OXCT1: variants seen among roughly 807,000 people sequenced by gnomAD.
OXCT1 encodes succinyl-CoA:3-ketoacid coenzyme A transferase 1, mitochondrial.
Under a neutral mutation model 69.6 loss-of-function variants are expected in OXCT1, and 27 were observed. That is an observed-to-expected ratio of 0.39 (90% CI 0.29 to 0.54). The LOEUF (loss-of-function observed/expected upper bound fraction) is 0.54, where lower values mean the gene tolerates loss of function less well. Ranked by LOEUF, OXCT1 falls within the 20% of genes least tolerant of loss-of-function variation. The probability of loss-of-function intolerance (pLI) is 0.72; values close to 1 mark genes in which losing one functional copy is unlikely to be tolerated. For synonymous variants in OXCT1, 202 were observed against 217.8 expected, an observed-to-expected ratio of 0.93 and a Z score of 0.64; for missense variants, 437 against 650.2, an observed-to-expected ratio of 0.67 and a Z score of 3.57.
rs1353826484 is a variant in OXCT1, at chr5:41,848,135, AACAG to A, written c.564+1891_564+1894del. Among the ~76,000 whole-genome samples the A allele has an allele frequency of 6.7e-5, 10 of 149,512 alleles. No homozygotes were observed. The South Asian group carries it at 2.1e-3, about 32-fold the overall frequency. ...ATCACAAGCATTCTTATACACCAAT[AACAG>A]ACAAACAGAGAGCCAAATCATGAGT... On this transcript the variant is annotated intron_variant, in intron 5 of 16. Transcript: ENST00000196371.
chr5:41,821,995 C>T (rs1231749534), intron 7 of OXCT1, among the ~76,000 whole-genome samples: 1 of 152,152 alleles, frequency 6.6e-6, no homozygotes, highest in Non-Finnish European at 1.5e-5. Flanking sequence ...TCTAAAAAAG[C>T]ATGGCCACTT....
At chr5:41,777,272 C>T (rs1357905102) in intron 13 of OXCT1, among the ~76,000 whole-genome samples, 4 of 152,062 alleles carry the variant, frequency 2.6e-5, no homozygotes, top group African/African-American at 4.8e-5. Flanking sequence ...AATTATTAGC[C>T]GGGCATGGTG....
intron 5 of OXCT1, among the ~76,000 whole-genome samples, chr5:41,846,956 C>T (rs931738501): frequency 1.3e-4 from 20 of 151,948 alleles, no homozygotes; most frequent in African/African-American, 4.1e-4. Flanking sequence ...TCATGTCCTT[C>T]GCCCACTTTT....
chr5:41,758,016 C>T (rs1744168012), intron 14 of OXCT1, among the ~76,000 whole-genome samples: 1 of 152,054 alleles, frequency 6.6e-6, no homozygotes, highest in Non-Finnish European at 1.5e-5. Flanking sequence ...GACGTAGGGG[C>T]AGTCAGCAGT....
chr5:41,739,052 G>C (rs559200744), intron 16 of OXCT1, among the ~76,000 whole-genome samples: 7 of 152,330 alleles, frequency 4.6e-5, no homozygotes, highest in African/African-American at 1.4e-4. Flanking sequence ...AGTTAATCAA[G>C]TTCAAGCACA....
chr5:41,807,278 A>C (rs531859638), intron 8 of OXCT1, 53 bp downstream of exon 8: 9 of 968,782 alleles, frequency 9.3e-6, no homozygotes, highest in Non-Finnish European at 1.7e-6. Flanking sequence ...CCAGGGATGC[A>C]CTATCTCTGT....
intron 16 of OXCT1, among the ~76,000 whole-genome samples, chr5:41,735,031 T>C (rs1029213800): frequency 1.6e-4 from 24 of 152,192 alleles, no homozygotes; most frequent in Admixed American, 7.9e-4. Context: ...TGAAACAGTA[T>C]GGCAGTTCCA....
At chr5:41,813,014 A>G (rs747214745) in intron 7 of OXCT1, among the ~76,000 whole-genome samples, 16 of 152,070 alleles carry the variant, frequency 1.1e-4, no homozygotes, top group Non-Finnish European at 2.2e-4. Context: ...AAAGAGAGAA[A>G]AGAATTGGAC....
chr5:41,765,602 A>G (rs1009799748), intron 13 of OXCT1, among the ~76,000 whole-genome samples: 2 of 152,154 alleles, frequency 1.3e-5, no homozygotes. Context: ...TAGCTGCACA[A>G]CAGAAGGGGA....
chr5:41,861,525 A>G, intron 2 of OXCT1, 121 bp from the exon 3 acceptor site: 2 of 742,840 alleles, frequency 2.7e-6, no homozygotes, highest in Non-Finnish European at 4.9e-6. Context: ...TCTACTAAGC[A>G]AAATACACAG....
intron 14 of OXCT1, among the ~76,000 whole-genome samples, chr5:41,752,577 A>G (rs1478756683): frequency 6.6e-6 from 1 of 151,964 alleles, no homozygotes; most frequent in Non-Finnish European, 1.5e-5. Context: ...ACATAGCAAG[A>G]CCCTATTTCT....
At chr5:41,826,288 A>G (rs1031288273) in intron 7 of OXCT1, among the ~76,000 whole-genome samples, 4 of 152,178 alleles carry the variant, frequency 2.6e-5, no homozygotes, top group African/African-American at 9.6e-5. Context: ...CGGAGGCATT[A>G]TGGAATTTTT....
intron 13 of OXCT1, among the ~76,000 whole-genome samples, chr5:41,779,652 A>C (rs529107362): frequency 6.6e-6 from 1 of 152,312 alleles, no homozygotes; most frequent in East Asian, 1.9e-4. Flanking sequence ...AAAAGATCCG[A>C]ATACAATAAC....
chr5:41,848,478 C>G, intron 5 of OXCT1, among the ~76,000 whole-genome samples: 1 of 145,528 alleles, frequency 6.9e-6, no homozygotes, highest in South Asian at 2.2e-4. Context: ...ATCGCCAAGT[C>G]AATCCTAAGC....
intron 13 of OXCT1, among the ~76,000 whole-genome samples, chr5:41,781,740 A>G (rs1032908769): frequency 2.0e-5 from 3 of 152,192 alleles, no homozygotes; most frequent in African/African-American, 4.8e-5. Context: ...TTTGCTGAGG[A>G]TAATGGCTTC....
chr5:41,835,203 C>G (rs1265802298), intron 7 of OXCT1, among the ~76,000 whole-genome samples: 1 of 152,034 alleles, frequency 6.6e-6, no homozygotes, highest in Non-Finnish European at 1.5e-5. Flanking sequence ...CAACTATATG[C>G]CAATAAATTG....
Position 41,806,341 on chromosome 5 carries a change from A to C in OXCT1, c.841-660T>G, listed in dbSNP as rs543360034. On this transcript the variant is annotated intron_variant, in intron 8 of 16. Coordinates refer to ENST00000196371, the MANE Select transcript of OXCT1 (RefSeq NM_000436.4). ...ATCTCTAGCACCCTACTGTATGTCT[A>C]TTCTGTTGCTGATCCCTAGACACTT... 1.4e-3 allele frequency among the ~76,000 whole-genome samples: 219 copies of C among 152,100 alleles called. 1 individual carries two copies. Among genetic ancestry groups the C allele is most frequent in the African/African-American group, 5.0e-3 (208 of 41,508 alleles).
intron 8 of OXCT1, among the ~76,000 whole-genome samples, chr5:41,806,028 C>T (rs1214743242): frequency 6.6e-6 from 1 of 152,014 alleles, no homozygotes; most frequent in East Asian, 1.9e-4. Flanking sequence ...GAAAGAGGAA[C>T]AGACTTTGGG....
At chr5:41,763,381 C>G (rs1240764119) in intron 13 of OXCT1, among the ~76,000 whole-genome samples, 4 of 152,014 alleles carry the variant, frequency 2.6e-5, no homozygotes, top group Non-Finnish European at 4.4e-5. Context: ...GGTTTCAGAC[C>G]GTTTGAAGCA....
Sources: gnomAD v4.1 joint callset for allele counts (sites outside exome capture counted in the v4.1 genomes callset) on GRCh38, gnomAD v4.1.1 for gene constraint, MANE v1.5 for transcripts, NCBI Gene and HGNC (gene_info 2026-07-23, HGNC 2026-07-21) for gene names.